RAB38: variants seen among roughly 807,000 people sequenced by gnomAD.
RAB38 encodes the protein ras-related protein Rab-38.
In RAB38, 15 loss-of-function variants were observed where a neutral mutation model predicts 18.4. The observed-to-expected ratio is 0.82, with a 90% CI of 0.55 to 1.26. The LOEUF (loss-of-function observed/expected upper bound fraction) is 1.26, where lower values mean the gene tolerates loss of function less well. Among genes scored for constraint, RAB38 ranks in the 50% most tolerant of loss-of-function variants. The pLI is 0.00. For missense variants in RAB38, 294 were observed against 267.4 expected (o/e 1.10, Z -0.69); for synonymous variants, 101 against 104.4 (o/e 0.97, Z 0.20).
intron 2 of RAB38, among the ~76,000 whole-genome samples, chr11:88,128,290 A>C (rs1942728585): frequency 6.6e-6 from 1 of 152,240 alleles, no homozygotes; most frequent in Non-Finnish European, 1.5e-5. Flanking sequence ...GACTCCTGAG[A>C]CTATCTCAAG....
At chr11:87,937,589 A>T in the RAB38 span, among the ~76,000 whole-genome samples, 2 of 151,734 alleles carry the variant, frequency 1.3e-5, no homozygotes, top group African/African-American at 2.4e-5. Context: ...GAGTTTTAAA[A>T]TTATAAATCC....
chr11:87,976,330 T>C, the RAB38 span, among the ~76,000 whole-genome samples: 1 of 143,518 alleles, frequency 7.0e-6, no homozygotes, highest in Admixed American at 7.2e-5. Context: ...GAGTTTTTTA[T>C]ATGTAGGTAT....
At chr11:88,004,292 A>C in the RAB38 span, among the ~76,000 whole-genome samples, 1 of 150,972 alleles carries the variant, frequency 6.6e-6, no homozygotes, top group African/African-American at 2.4e-5. Flanking sequence ...GATACATTTG[A>C]GCAAGTTAGA....
chr11:88,032,733 G>T, the RAB38 span, among the ~76,000 whole-genome samples: 1 of 152,296 alleles, frequency 6.6e-6, no homozygotes, highest in African/African-American at 2.4e-5. Flanking sequence ...AACAACAGGT[G>T]CTGGAGAGGA....
At chr11:88,105,739 C>G in the RAB38 span, among the ~76,000 whole-genome samples, 2 of 152,102 alleles carry the variant, frequency 1.3e-5, no homozygotes, top group Non-Finnish European at 2.9e-5. Flanking sequence ...ACAAGCACAC[C>G]TCTAGACCTG....
the RAB38 span, among the ~76,000 whole-genome samples, chr11:88,032,690 C>A: frequency 6.6e-6 from 1 of 152,148 alleles, no homozygotes; most frequent in African/African-American, 2.4e-5. Flanking sequence ...CCATCTCACA[C>A]CAGTTAGAAT....
the RAB38 span, among the ~76,000 whole-genome samples, chr11:87,911,091 G>T: frequency 6.6e-6 from 1 of 151,958 alleles, no homozygotes; most frequent in African/African-American, 2.4e-5. Context: ...CCATATATGT[G>T]TAGATTATGT....
At chr11:87,858,994 G>A in the RAB38 span, among the ~76,000 whole-genome samples, 1 of 149,446 alleles carries the variant, frequency 6.7e-6, no homozygotes, top group African/African-American at 2.4e-5. Flanking sequence ...AACAGACTTA[G>A]AATAAATAAA....
the RAB38 span, among the ~76,000 whole-genome samples, chr11:87,965,320 T>C: frequency 6.6e-6 from 1 of 151,954 alleles, no homozygotes; most frequent in South Asian, 2.1e-4. Flanking sequence ...TTACTGTGCT[T>C]GGGAAGGGCA....
At chr11:88,145,729 G>C (rs1591168806) in intron 2 of RAB38, among the ~76,000 whole-genome samples, 1 of 152,164 alleles carries the variant, frequency 6.6e-6, no homozygotes, top group Non-Finnish European at 1.5e-5. Context: ...CATTATTAGA[G>C]CTAAGGTATG....
the RAB38 span, among the ~76,000 whole-genome samples, chr11:87,923,553 G>A: frequency 8.1e-6 from 1 of 123,370 alleles, no homozygotes; most frequent in Non-Finnish European, 1.8e-5. Flanking sequence ...AATTCTGTGT[G>A]TGTGTGTGTG....
chr11:88,095,108 C>T, the RAB38 span, among the ~76,000 whole-genome samples: 1 of 151,742 alleles, frequency 6.6e-6, no homozygotes. Context: ...ACCTCCCTTC[C>T]CCAGTCTATT....
At chr11:88,018,757 A>C in the RAB38 span, among the ~76,000 whole-genome samples, 41 of 152,160 alleles carry the variant, frequency 2.7e-4, no homozygotes, top group Admixed American at 2.7e-3. Context: ...CTTACTTATA[A>C]TATCTAATAC....
chr11:87,910,612 A>G, the RAB38 span, among the ~76,000 whole-genome samples: 3 of 145,374 alleles, frequency 2.1e-5, no homozygotes, highest in Non-Finnish European at 3.0e-5. Context: ...TAGATCTATG[A>G]TCCACTTCAA....
chr11:87,919,367 GTTT>G, the RAB38 span, among the ~76,000 whole-genome samples: 1,451 of 151,112 alleles, frequency 9.6e-3, 27 homozygotes, highest in African/African-American at 0.034. Context: ...GATTATCATA[GTTT>G]TTTTTTATTT....
chr11:88,137,422 T>A (rs1942849961), intron 2 of RAB38, among the ~76,000 whole-genome samples: 1 of 152,120 alleles, frequency 6.6e-6, no homozygotes. Context: ...TGAAAAAGAA[T>A]AATCAGGATA....
At chr11:88,113,034 G>T (rs1244000167), downstream of RAB38, among the ~76,000 whole-genome samples, 1 of 151,816 alleles carries the variant, frequency 6.6e-6, no homozygotes, top group Non-Finnish European at 1.5e-5. Context: ...TATATGCACT[G>T]TACACTCTGT....
the RAB38 span, among the ~76,000 whole-genome samples, chr11:87,913,760 C>A: frequency 6.6e-6 from 1 of 152,046 alleles, no homozygotes; most frequent in Non-Finnish European, 1.5e-5. Context: ...AGCCTGGATG[C>A]CCCCTCAGGT....
the RAB38 span, among the ~76,000 whole-genome samples, chr11:87,857,579 C>G: frequency 0.025 from 3,785 of 152,256 alleles, 90 homozygotes; most frequent in African/African-American, 0.064. Context: ...GATGGTATCT[C>G]ATTGTGGTTT....
Sources: gnomAD v4.1 joint callset for allele counts (sites outside exome capture counted in the v4.1 genomes callset) on GRCh38, gnomAD v4.1.1 for gene constraint, MANE v1.5 for transcripts, NCBI Gene and HGNC (gene_info 2026-07-23, HGNC 2026-07-21) for gene names.